The following CEP170 variants were observed in gnomAD, a reference collection of about 807,000 sequenced individuals.
CEP170 encodes the protein centrosomal protein of 170 kDa.
CEP170 carries 21 observed loss-of-function variants against 151.9 expected under a neutral mutation model. That is an observed-to-expected ratio of 0.14 (90% CI 0.10 to 0.20). The LOEUF is 0.20. Ranked by LOEUF, CEP170 falls within the 10% of genes least tolerant of loss-of-function variation. The pLI is 1.00. For missense variants in CEP170, 964 were observed against 1,892.9 expected (o/e 0.51, Z 9.11); for synonymous variants, 356 against 648.8 (o/e 0.55, Z 6.86).
intron 1 of CEP170, among the ~76,000 whole-genome samples, chr1:243,251,545 C>T (rs1484210289): frequency 6.6e-6 from 1 of 152,020 alleles, no homozygotes; most frequent in East Asian, 1.9e-4. Context: ...TACACACACA[C>T]CACACACACA....
chr1:243,254,880 C>T (rs71537331), intron 1 of CEP170, among the ~76,000 whole-genome samples, 160 bp downstream of exon 1: 57,368 of 150,858 alleles, frequency 0.38, 11,306 homozygotes, highest in South Asian at 0.55. Context: ...GCGCGGAGCA[C>T]CCGGGAAGCG....
intron 1 of CEP170, among the ~76,000 whole-genome samples, chr1:243,246,716 G>A (rs1482861744): frequency 6.6e-6 from 1 of 152,072 alleles, no homozygotes; most frequent in Non-Finnish European, 1.5e-5. Context: ...TGGCTAGTGG[G>A]ATTATGATAG....
chr1:243,182,278 G>T (rs2059669261), intron 10 of CEP170, among the ~76,000 whole-genome samples: 1 of 152,066 alleles, frequency 6.6e-6, no homozygotes, highest in Non-Finnish European at 1.5e-5. Flanking sequence ...CTATGCTCTA[G>T]AATTTCCCAG....
chr1:243,219,230 G>A (rs2062578362), intron 3 of CEP170, among the ~76,000 whole-genome samples: 1 of 152,154 alleles, frequency 6.6e-6, no homozygotes. Flanking sequence ...CTACAGAGCA[G>A]GAATTATTTC....
At chr1:243,190,764 G>T (rs2060261940) in intron 8 of CEP170, among the ~76,000 whole-genome samples, 2 of 152,088 alleles carry the variant, frequency 1.3e-5, no homozygotes, top group African/African-American at 4.8e-5. Flanking sequence ...AGAAGAAAAA[G>T]AAACATGTTT....
intron 3 of CEP170, among the ~76,000 whole-genome samples, chr1:243,214,030 A>T (rs983814052): frequency 6.6e-6 from 1 of 152,152 alleles, no homozygotes; most frequent in African/African-American, 2.4e-5. Flanking sequence ...AAGAAGTGTC[A>T]TATTTTAAAA....
At chr1:243,136,534 GTCTC>G (rs1200218772) in intron 16 of CEP170, among the ~76,000 whole-genome samples, 1 of 152,168 alleles carries the variant, frequency 6.6e-6, no homozygotes, top group Non-Finnish European at 1.5e-5. Context: ...TTGTGATCCT[GTCTC>G]TCTTACTTCC....
At chr1:243,144,167 T>C (rs1336376237) in intron 14 of CEP170, among the ~76,000 whole-genome samples, 1 of 152,166 alleles carries the variant, frequency 6.6e-6, no homozygotes, top group African/African-American at 2.4e-5. Flanking sequence ...CCATGAAGCT[T>C]AGAATACACA....
intron 2 of CEP170, among the ~76,000 whole-genome samples, chr1:243,222,309 G>T (rs2062891958): frequency 6.6e-6 from 1 of 152,266 alleles, no homozygotes; most frequent in Middle Eastern, 3.4e-3. Context: ...TAAAATATGG[G>T]CTCTAAAACT....
Position 243,165,420 on chromosome 1 carries a change from T to C in CEP170, c.2540A>G (p.Asn847Ser). 6.3e-7 allele frequency: 1 copy of C among 1,577,676 alleles called. No individual in the cohort carries two copies. The highest frequency in any genetic ancestry group is 8.6e-7 in the Non-Finnish European group (1 of 1,157,572). The change falls in exon 13 of 20, where the codon AAC becomes AGC. Residue 847 changes from asparagine (N) to serine (S), a missense_variant. Physicochemically the swap from Asn to Ser is conservative, Grantham distance 46. Coordinates refer to ENST00000366542, the MANE Select transcript of CEP170 (RefSeq NM_014812.3). The stretch of plus-strand genomic sequence containing the variant: ...ATGGGGAATAAGTTCTATGGGTATG[T>C]TTGGGCTGGGTTTTTCTATAGTGAA... Reference protein sequence around the residue: ...GSFTIEKPSPNIPIELIPHIN... With the variant: ...GSFTIEKPSPSIPIELIPHIN...
chr1:243,234,415 A>G (rs1482845542), intron 1 of CEP170, among the ~76,000 whole-genome samples: 7 of 152,216 alleles, frequency 4.6e-5, no homozygotes, highest in Admixed American at 4.6e-4. Flanking sequence ...CGTAGGAGAA[A>G]GATGATCTGG....
chr1:243,220,098 A>T (rs1434156189), intron 3 of CEP170, among the ~76,000 whole-genome samples: 1 of 152,244 alleles, frequency 6.6e-6, no homozygotes, highest in South Asian at 2.1e-4. Flanking sequence ...ACATGTCAAC[A>T]TCAGCAGGTT....
In CEP170 at chr1:243,164,452, T is replaced by C. The variant is rs892278580; in HGVS notation, c.3508A>G (p.Thr1170Ala). ...GAAGAGGCACTACTTCTAGAAATTG[T>C]TGCTTCAGAGTCACTACGAGCTGAC... ...SLSARSDSEA[T>A]ISRSSASSRT... The change falls in exon 13 of 20, where the codon ACA becomes GCA. Residue 1170 changes from threonine to alanine, a missense_variant. Transcript: ENST00000366542. The C allele has an allele frequency of 6.9e-6, 11 of 1,590,648 alleles. No homozygotes were observed. The Admixed American group carries it at 1.6e-4, about 22-fold the overall frequency.
At chr1:243,202,554 T>G (rs2061121855) in intron 4 of CEP170, among the ~76,000 whole-genome samples, 1 of 151,962 alleles carries the variant, frequency 6.6e-6, no homozygotes, top group African/African-American at 2.4e-5. Flanking sequence ...TAATATGAAT[T>G]ATATAAACAC....
chr1:243,214,282 T>TG (rs1306596096), intron 3 of CEP170, among the ~76,000 whole-genome samples: 3 of 139,342 alleles, frequency 2.2e-5, no homozygotes, highest in Non-Finnish European at 4.7e-5. Flanking sequence ...GCTGTAAAGT[T>TG]TTTTTTTTTT....
chr1:243,237,933 T>C (rs2064404839), intron 1 of CEP170, among the ~76,000 whole-genome samples: 1 of 152,084 alleles, frequency 6.6e-6, no homozygotes, highest in African/African-American at 2.4e-5. Context: ...ATGACTTTCA[T>C]ACAAAGTAGT....
intron 12 of CEP170, among the ~76,000 whole-genome samples, chr1:243,167,620 G>T (rs2058532732): frequency 6.6e-6 from 1 of 151,354 alleles, no homozygotes; most frequent in African/African-American, 2.4e-5. Context: ...ATGGAGAAAA[G>T]ATACTAGATA....
At chr1:243,243,977 G>A (rs771918564) in intron 1 of CEP170, among the ~76,000 whole-genome samples, 24 of 152,074 alleles carry the variant, frequency 1.6e-4, no homozygotes, top group South Asian at 2.1e-4. Context: ...AAACCAGTAT[G>A]TTCATTTTTT....
intron 1 of CEP170, among the ~76,000 whole-genome samples, chr1:243,250,577 G>T (rs922950660): frequency 2.6e-5 from 4 of 151,994 alleles, no homozygotes; most frequent in Admixed American, 6.6e-5. Context: ...GGTTAATCAG[G>T]AACACTAAAA....
Sources: gnomAD v4.1 joint callset for allele counts (sites outside exome capture counted in the v4.1 genomes callset) on GRCh38, gnomAD v4.1.1 for gene constraint, MANE v1.5 for transcripts, NCBI Gene and HGNC (gene_info 2026-07-23, HGNC 2026-07-21) for gene names.